The following GUCY1A1 variants were observed in gnomAD, a reference collection of about 807,000 sequenced individuals.
GUCY1A1 encodes the protein guanylate cyclase 1 soluble subunit alpha 1, also known as guanylate cyclase soluble subunit alpha-1.
In GUCY1A1, 48 loss-of-function variants were observed where a neutral mutation model predicts 64.5. That is an observed-to-expected ratio of 0.74 (90% CI 0.59 to 0.95). The LOEUF (loss-of-function observed/expected upper bound fraction) is 0.95. Among genes scored for constraint, GUCY1A1 ranks in the 40% least tolerant of loss-of-function variants. The pLI is 0.00. For missense variants in GUCY1A1, 804 were observed against 825.3 expected, an observed-to-expected ratio of 0.97 and a Z score of 0.32; for synonymous variants, 308 against 303.4, an observed-to-expected ratio of 1.02 and a Z score of -0.16.
At chr4:155,698,419 G>A (rs1052140245) in intron 3 of GUCY1A1, among the ~76,000 whole-genome samples, 1 of 152,188 alleles carries the variant, frequency 6.6e-6, no homozygotes, top group Non-Finnish European at 1.5e-5. Context: ...GAGTTGGTTT[G>A]TAGCACAGTC....
rs1298542629 is a variant in GUCY1A1 at position 155,692,184 on chromosome 4, C to G, written c.-112-4572C>G. 2.6e-5 allele frequency among the ~76,000 whole-genome samples: 4 copies of G among 152,096 alleles called. No individual in the cohort carries two copies. In the South Asian group the frequency reaches 8.3e-4, roughly 32 times the overall value. On this transcript the variant is annotated intron_variant, in intron 2 of 9. Coordinates refer to ENST00000506455, the MANE Select transcript of GUCY1A1 (RefSeq NM_001130682.3). ...TGTATATGTACGACATTTTCTTTAT[C>G]CAGTTTATCATTGATGGGCAATTAG...
At chr4:155,671,157 C>A (rs1734095856) in intron 2 of GUCY1A1, among the ~76,000 whole-genome samples, 1 of 152,120 alleles carries the variant, frequency 6.6e-6, no homozygotes, top group Non-Finnish European at 1.5e-5. Context: ...TTTGATGCTA[C>A]CACATGGAGC....
At chr4:155,672,863 G>A (rs1415054579) in intron 2 of GUCY1A1, among the ~76,000 whole-genome samples, 2 of 152,072 alleles carry the variant, frequency 1.3e-5, no homozygotes, top group Non-Finnish European at 2.9e-5. Flanking sequence ...TCAATATTTT[G>A]TAGTGTAATT....
chr4:155,679,302 C>T (rs545758239), intron 2 of GUCY1A1, among the ~76,000 whole-genome samples: 6 of 151,816 alleles, frequency 4.0e-5, no homozygotes, highest in South Asian at 2.1e-4. Flanking sequence ...TACGATTTGT[C>T]GTAGTCTGTT....
intron 7 of GUCY1A1, among the ~76,000 whole-genome samples, 198 bp downstream of exon 7, chr4:155,713,781 A>C (rs771417968): frequency 2.4e-4 from 37 of 152,112 alleles, no homozygotes; most frequent in Non-Finnish European, 4.9e-4. Flanking sequence ...GCCCAGAAAC[A>C]GAGATAATTG....
At chr4:155,688,111 C>T (rs1729239190) in intron 2 of GUCY1A1, among the ~76,000 whole-genome samples, 2 of 151,890 alleles carry the variant, frequency 1.3e-5, no homozygotes, top group Non-Finnish European at 2.9e-5. Context: ...GCCTGTAGTC[C>T]CAGCTGCTCG....
chr4:155,683,934 G>A (rs1340253479), intron 2 of GUCY1A1, among the ~76,000 whole-genome samples: 3 of 152,112 alleles, frequency 2.0e-5, no homozygotes, highest in African/African-American at 4.8e-5. Flanking sequence ...GGTCATCAGG[G>A]TATATTGGGT....
chr4:155,719,316 A>T (rs1333234536), intron 8 of GUCY1A1, among the ~76,000 whole-genome samples: 2 of 152,192 alleles, frequency 1.3e-5, no homozygotes, highest in Non-Finnish European at 2.9e-5. Context: ...CCGGTGAAAC[A>T]TCACAGAGGC....
At chr4:155,668,335 G>T (rs1274149868) in intron 2 of GUCY1A1, among the ~76,000 whole-genome samples, 1 of 152,244 alleles carries the variant, frequency 6.6e-6, no homozygotes, top group African/African-American at 2.4e-5. Context: ...AGATTGTATG[G>T]CTCACTTAAC....
At chr4:155,673,685 C>G (rs575564768) in intron 2 of GUCY1A1, among the ~76,000 whole-genome samples, 1 of 151,232 alleles carries the variant, frequency 6.6e-6, no homozygotes, top group Non-Finnish European at 1.5e-5. Context: ...TGTGGCGGAA[C>G]GGGTAATGCT....
rs995021192 is a variant in GUCY1A1 at position 155,736,513 on chromosome 4, A to T, written c.*6282A>T. 2.6e-5 allele frequency: 4 copies of T among 151,988 alleles called. No homozygotes were observed. The highest frequency in any genetic ancestry group is 2.6e-4 in the Admixed American group (4 of 15,232). The allele number at this position is 151,988 out of a possible 1,614,324, so 9.4% of individuals were successfully genotyped here. On this transcript the variant is annotated 3_prime_UTR_variant, in exon 10 of 10. Coordinates refer to ENST00000506455, the MANE Select transcript of GUCY1A1 (RefSeq NM_001130682.3). ...AGATGGGACAAAATAATAAATTTTGACTAAGAACTTACTGTTTAGAGAGAA... is the reference window on the plus strand; with the variant it reads ...AGATGGGACAAAATAATAAATTTTGTCTAAGAACTTACTGTTTAGAGAGAA...
chr4:155,700,107 C>T (rs963132375), intron 3 of GUCY1A1, among the ~76,000 whole-genome samples: 7 of 152,058 alleles, frequency 4.6e-5, no homozygotes, highest in African/African-American at 1.4e-4. Context: ...ATTGTTTGCT[C>T]TTTTTTCATG....
chr4:155,727,845 C>T (rs562496197), intron 9 of GUCY1A1, among the ~76,000 whole-genome samples: 8 of 151,752 alleles, frequency 5.3e-5, no homozygotes, highest in South Asian at 2.1e-4. Flanking sequence ...CCCTGTTACA[C>T]GCTCTGACAC....
intron 9 of GUCY1A1, 52 bp from the exon 10 acceptor site, chr4:155,729,977 CT>C (rs1177812184): frequency 5.2e-6 from 6 of 1,145,094 alleles, no homozygotes; most frequent in Admixed American, 3.5e-5. Context: ...ATGTTGTGTT[CT>C]TTTTTTGAGT....
intron 3 of GUCY1A1, among the ~76,000 whole-genome samples, chr4:155,697,693 G>C (rs1426638694): frequency 6.6e-6 from 1 of 152,054 alleles, no homozygotes; most frequent in Non-Finnish European, 1.5e-5. Context: ...TTCTCCCTTG[G>C]GTCGGAGTCA....
chr4:155,733,378 A>G lies in GUCY1A1; in HGVS notation c.*3147A>G, dbSNP rs543407459. On this transcript the variant is annotated 3_prime_UTR_variant, in exon 10 of 10. Transcript: ENST00000506455. Reference sequence around the variant, plus strand: ...AAGAGATGGGGTCTTGAGGGTGCATAGTACATTCTGGACAGCCAGTTACCT... The same window carrying G: ...AAGAGATGGGGTCTTGAGGGTGCATGGTACATTCTGGACAGCCAGTTACCT... Among the ~76,000 whole-genome samples, 1 of 151,882 alleles carries G rather than the reference A, an allele frequency of 6.6e-6. No individual in the cohort carries two copies. Among genetic ancestry groups the G allele is most frequent in the African/African-American group, 2.4e-5 (1 of 41,472 alleles).
intron 2 of GUCY1A1, among the ~76,000 whole-genome samples, chr4:155,669,875 A>G (rs1733890417): frequency 6.6e-6 from 1 of 152,196 alleles, no homozygotes; most frequent in African/African-American, 2.4e-5. Context: ...ACTGAGGATA[A>G]TATTTCTTGC....
In GUCY1A1 at chr4:155,713,661, A is replaced by G. The variant is rs555504057; in HGVS notation, c.1572+78A>G. On this transcript the variant is annotated intron_variant, in intron 7 of 9. Transcript: ENST00000506455. ...AAGCACTGTGCCTAGGACCTGAATT[A>G]TAATGCAACTGAAAGGCCACCTCTG... The G allele has an allele frequency of 2.8e-5, 42 of 1,495,228 alleles. No homozygotes were observed. The African/African-American group carries it at 3.0e-4, about 11-fold the overall frequency. 92.6% of individuals were successfully genotyped at this position (1,495,228 alleles called of 1,614,324 possible). A position where few individuals can be genotyped will look rare whatever the true frequency, so the allele number is the denominator to read the frequency against.
intron 2 of GUCY1A1, 28 bp from the exon 3 acceptor site, chr4:155,696,728 T>C: frequency 2.9e-6 from 2 of 683,794 alleles, no homozygotes; most frequent in Non-Finnish European, 5.0e-6. Context: ...TCACTCCTCT[T>C]TCTGTTCTGA....
Sources: gnomAD v4.1 joint callset for allele counts (sites outside exome capture counted in the v4.1 genomes callset) on GRCh38, gnomAD v4.1.1 for gene constraint, MANE v1.5 for transcripts, NCBI Gene and HGNC (gene_info 2026-07-23, HGNC 2026-07-21) for gene names.